The following HERC4 variants were observed in gnomAD, a reference collection of about 807,000 sequenced individuals.
HERC4 encodes probable E3 ubiquitin-protein ligase HERC4.
A neutral mutation model predicts 124.3 loss-of-function variants in HERC4; 28 were observed. The observed-to-expected ratio is 0.23, with a 90% CI of 0.17 to 0.31. The LOEUF is 0.31. Ranked by LOEUF, HERC4 falls within the 10% of genes least tolerant of loss-of-function variation. The pLI, the probability that HERC4 is intolerant of heterozygous loss-of-function variation, is 1.00. For synonymous variants in HERC4, 407 were observed against 421.5 expected (o/e 0.97, Z 0.42); for missense variants, 713 against 1,229.3 (o/e 0.58, Z 6.28).
Position 67,922,963 on chromosome 10 carries a change from T to C in HERC4, c.3118A>G (p.Ile1040Val), listed in dbSNP as rs969394055. ...ETLRSKLIQA[I>V]DHNEGFSLI is the part of the protein sequence containing the mutation. ...AAACTGAAGCCTTCATTGTGATCAA[T>C]AGCTTGGATCAGTTTAGAGCGTAGA... Residue 1040 changes from isoleucine to valine, a missense_variant, in exon 25 of 25, where the codon ATT becomes GTT. Transcript: ENST00000373700. The C allele has an allele frequency of 4.3e-6, 7 of 1,612,546 alleles. No individual in the cohort carries two copies. The highest frequency in any genetic ancestry group is 4.0e-5 in the African/African-American group (3 of 74,820).
At chr10:68,035,655 T>C (rs2039422041) in intron 5 of HERC4, among the ~76,000 whole-genome samples, 1 of 152,244 alleles carries the variant, frequency 6.6e-6, no homozygotes. Flanking sequence ...AGGTGCTGTA[T>C]GATCTACCTA....
intron 15 of HERC4, among the ~76,000 whole-genome samples, chr10:67,981,552 A>C (rs1458676063): frequency 6.6e-6 from 1 of 152,258 alleles, no homozygotes; most frequent in African/African-American, 2.4e-5. Context: ...ACATATTTAC[A>C]GAACATTTCA....
At chr10:67,932,854 C>G (rs1043026943) in intron 22 of HERC4, 74 bp from the exon 23 acceptor site, 1 of 1,275,102 alleles carries the variant, frequency 7.8e-7, no homozygotes. Flanking sequence ...GTCATTAAAA[C>G]TTCAAGTGCT....
chr10:67,940,798 T>C (rs1355635458), intron 20 of HERC4, 141 bp downstream of exon 20: 5 of 749,454 alleles, frequency 6.7e-6, no homozygotes, highest in Non-Finnish European at 1.0e-5. Context: ...GGATTTTCCT[T>C]TATTAGAAGG....
chr10:68,003,052 T>G (rs531897222), intron 9 of HERC4, among the ~76,000 whole-genome samples: 1 of 152,296 alleles, frequency 6.6e-6, no homozygotes, highest in Non-Finnish European at 1.5e-5. Context: ...TTACAAATGT[T>G]CCAATAATAT....
chr10:67,979,891 A>G (rs2035824920), intron 15 of HERC4, among the ~76,000 whole-genome samples: 1 of 151,798 alleles, frequency 6.6e-6, no homozygotes, highest in Admixed American at 6.6e-5. Flanking sequence ...GAGCCGAGAT[A>G]GTGCCACTGC....
intron 9 of HERC4, among the ~76,000 whole-genome samples, chr10:68,011,274 AC>A (rs1244138521): frequency 6.6e-6 from 1 of 152,130 alleles, no homozygotes; most frequent in Non-Finnish European, 1.5e-5. Flanking sequence ...TTGGTCTCAA[AC>A]TCCTGGCTTC....
At chr10:67,997,671 T>C (rs564412391) in intron 9 of HERC4, among the ~76,000 whole-genome samples, 1 of 152,324 alleles carries the variant, frequency 6.6e-6, no homozygotes, top group East Asian at 1.9e-4. Context: ...AAATTAGGCT[T>C]TATTTTTTTA....
intron 10 of HERC4, 45 bp from the exon 11 acceptor site, chr10:67,992,368 A>C: frequency 1.3e-6 from 2 of 1,588,410 alleles, no homozygotes; most frequent in Non-Finnish European, 8.6e-7. Context: ...GATATTATAT[A>C]TAACTCAAAA....
chr10:67,922,819 T>C lies in HERC4; in HGVS notation c.*112A>G, dbSNP rs182613781. The C allele has an allele frequency of 1.0e-4, 77 of 762,650 alleles. No individual in the cohort carries two copies. The African/African-American group carries it at 1.3e-3, about 13-fold the overall frequency. 47.2% of individuals were successfully genotyped at this position (762,650 alleles called of 1,614,324 possible). A position where few individuals can be genotyped will look rare whatever the true frequency, so the allele number is the denominator to read the frequency against. Reference sequence around the variant, plus strand: ...ATGAACACTCGTAGATTGAACATTCTGCAAGTAAGAATTATAATAGTACCT... The same window carrying C: ...ATGAACACTCGTAGATTGAACATTCCGCAAGTAAGAATTATAATAGTACCT... On this transcript the variant is annotated 3_prime_UTR_variant, in exon 25 of 25. Coordinates refer to ENST00000373700, the MANE Select transcript of HERC4 (RefSeq NM_015601.4).
chr10:67,945,061 T>C (rs1264540462), intron 19 of HERC4, among the ~76,000 whole-genome samples: 2 of 152,132 alleles, frequency 1.3e-5, no homozygotes, highest in East Asian at 3.8e-4. Flanking sequence ...ACAGTGAACA[T>C]CCCAAACCTA....
chr10:67,925,479 C>T (rs1414710092), intron 23 of HERC4, among the ~76,000 whole-genome samples: 1 of 152,170 alleles, frequency 6.6e-6, no homozygotes, highest in Non-Finnish European at 1.5e-5. Flanking sequence ...CATCAAAAGT[C>T]TGACATGGAA....
chr10:68,070,175 T>C, intron 3 of HERC4: 4 of 984,976 alleles, frequency 4.1e-6, no homozygotes, highest in Non-Finnish European at 4.8e-6. Flanking sequence ...CCAACAACTT[T>C]TTATCTTTTA....
At chr10:68,040,493 A>G in intron 4 of HERC4, 1 of 729,776 alleles carries the variant, frequency 1.4e-6, no homozygotes, top group Non-Finnish European at 1.7e-6. Context: ...AAATAATTAA[A>G]TAAATTTGTT....
At chr10:67,963,978 GAGA>G (rs2034691864) in intron 16 of HERC4, among the ~76,000 whole-genome samples, 1 of 145,780 alleles carries the variant, frequency 6.9e-6, no homozygotes, top group South Asian at 2.2e-4. Flanking sequence ...GGAAGAGTTT[GAGA>G]AGCTTTACCT....
chr10:67,983,598 T>C (rs2132666083), intron 15 of HERC4, among the ~76,000 whole-genome samples: 1 of 151,764 alleles, frequency 6.6e-6, no homozygotes, highest in South Asian at 2.1e-4. Flanking sequence ...GCTAACACGG[T>C]GAAACCCCGT....
At chr10:67,997,746 T>A (rs925330155) in intron 9 of HERC4, among the ~76,000 whole-genome samples, 2 of 152,258 alleles carry the variant, frequency 1.3e-5, no homozygotes, top group Non-Finnish European at 2.9e-5. Flanking sequence ...TTTTGCATGT[T>A]TCTTAGTAAC....
At chr10:68,054,305 CTTTGT>C (rs1564600502) in intron 3 of HERC4, among the ~76,000 whole-genome samples, 1 of 148,114 alleles carries the variant, frequency 6.8e-6, no homozygotes, top group African/African-American at 2.5e-5. Context: ...TTTTCTTCTT[CTTTGT>C]TTTATTAAAC....
At chr10:68,035,156 CTT>C (rs34966031) in intron 5 of HERC4, among the ~76,000 whole-genome samples, 25 of 139,582 alleles carry the variant, frequency 1.8e-4, no homozygotes, top group Middle Eastern at 3.7e-3. Context: ...GACAACCACT[CTT>C]TTTTTTTTTT....
Sources: gnomAD v4.1 joint callset for allele counts (sites outside exome capture counted in the v4.1 genomes callset) on GRCh38, gnomAD v4.1.1 for gene constraint, MANE v1.5 for transcripts, NCBI Gene and HGNC (gene_info 2026-07-23, HGNC 2026-07-21) for gene names.